HDGFL2: variants seen among roughly 807,000 people sequenced by gnomAD.
HDGFL2 encodes hepatoma-derived growth factor-related protein 2.
Under a neutral mutation model 77.1 loss-of-function variants are expected in HDGFL2, and 36 were observed. The ratio of observed to expected loss-of-function variants is 0.47; its 90% CI spans 0.36 to 0.62. The LOEUF (loss-of-function observed/expected upper bound fraction) is 0.62. Among genes scored for constraint, HDGFL2 ranks in the 20% least tolerant of loss-of-function variants. The pLI is 0.00. For synonymous variants in HDGFL2, 463 were observed against 413.1 expected (o/e 1.12, Z -1.46); for missense variants, 976 against 973.4 (o/e 1.00, Z -0.04).
At chr19:4,485,539 C>T (rs1975337673) in intron 3 of HDGFL2, among the ~76,000 whole-genome samples, 1 of 149,822 alleles carries the variant, frequency 6.7e-6, no homozygotes, top group Non-Finnish European at 1.5e-5. Flanking sequence ...GAGATTGAGA[C>T]CATCCTGGCT....
chr19:4,482,074 C>T (rs1217795002), intron 3 of HDGFL2, among the ~76,000 whole-genome samples: 18 of 119,524 alleles, frequency 1.5e-4, no homozygotes, highest in Admixed American at 3.4e-4. Flanking sequence ...GCTCTGTTGC[C>T]GAGGCTGGAG....
chr19:4,496,253 G>A (rs1975697865), intron 9 of HDGFL2, 49 bp from the exon 10 acceptor site: 2 of 1,485,374 alleles, frequency 1.3e-6, no homozygotes, highest in African/African-American at 1.4e-5. Flanking sequence ...AGGGGTCTGG[G>A]TAATCCCCTC....
intron 3 of HDGFL2, among the ~76,000 whole-genome samples, chr19:4,482,342 C>T (rs905140940): frequency 5.3e-5 from 8 of 151,856 alleles, no homozygotes; most frequent in Admixed American, 1.3e-4. Flanking sequence ...CCCAAGTAGC[C>T]GGGACTACAG....
chr19:4,481,188 ATTT>A (rs71168906), intron 3 of HDGFL2, among the ~76,000 whole-genome samples: 15 of 51,160 alleles, frequency 2.9e-4, no homozygotes, highest in African/African-American at 9.3e-4. Context: ...CGCCTGGCTA[ATTT>A]TTTTTTTTTT....
At chr19:4,499,440 G>A (rs917834605) in intron 13 of HDGFL2, 51 bp from the exon 14 acceptor site, 1 of 1,565,762 alleles carries the variant, frequency 6.4e-7, no homozygotes, top group Non-Finnish European at 8.7e-7. Context: ...TCAGAGCCGG[G>A]GCTAGGGCCG....
chr19:4,483,777 T>TTG (rs918647645), intron 3 of HDGFL2, among the ~76,000 whole-genome samples: 1 of 147,928 alleles, frequency 6.8e-6, no homozygotes, highest in Admixed American at 7.1e-5. Flanking sequence ...TGGGACTTAA[T>TTG]TGTTTCATGA....
intron 3 of HDGFL2, among the ~76,000 whole-genome samples, chr19:4,476,998 A>T (rs975909082): frequency 2.0e-5 from 3 of 152,112 alleles, no homozygotes; most frequent in Non-Finnish European, 4.4e-5. Flanking sequence ...ATTAAGGAAG[A>T]AAAGCACATC....
chr19:4,494,071 C>A lies in HDGFL2; in HGVS notation c.914+14C>A. On this transcript the variant is annotated intron_variant, in intron 8 of 15. Coordinates refer to ENST00000616600, the MANE Select transcript of HDGFL2 (RefSeq NM_001001520.3). ...CAGCAGTGACAGGTGGGTGCTGGGG[C>A]TGGGGTCCCCTCTGGCGGCTCCTCC... is the stretch of plus-strand genomic sequence containing the variant. 6.3e-7 allele frequency: 1 copy of A among 1,588,006 alleles called. No homozygotes were observed. The highest frequency in any genetic ancestry group is 8.6e-7 in the Non-Finnish European group (1 of 1,167,816).
Position 4,487,307 on chromosome 19 carries a change from A to G in HDGFL2, c.289-1369A>G, listed in dbSNP as rs1437016773. Among the ~76,000 whole-genome samples, 8 of 151,498 alleles carry G rather than the reference A, an allele frequency of 5.3e-5. No homozygotes were observed. In the East Asian group the frequency reaches 1.6e-3, roughly 30 times the overall value. ...GGTCTTGCTCTATCACTCAGTCTGG[A>G]GTGCAGTGGTGTGATCATAGCTCAC... is the stretch of plus-strand genomic sequence containing the variant. On this transcript the variant is annotated intron_variant, in intron 3 of 15. Coordinates refer to ENST00000616600, the MANE Select transcript of HDGFL2 (RefSeq NM_001001520.3).
intron 14 of HDGFL2, among the ~76,000 whole-genome samples, chr19:4,500,918 C>G (rs1160716885): frequency 6.6e-6 from 1 of 152,224 alleles, no homozygotes; most frequent in East Asian, 1.9e-4. Context: ...CTTTGTCTTT[C>G]CCAGGCTGCT....
At chr19:4,496,056 C>A (rs751998700) in intron 9 of HDGFL2, among the ~76,000 whole-genome samples, 1 of 152,152 alleles carries the variant, frequency 6.6e-6, no homozygotes, top group South Asian at 2.1e-4. Context: ...CAGCCCAGGA[C>A]TGCTGGGCAG....
intron 5 of HDGFL2, 34 bp downstream of exon 5, chr19:4,491,716 C>T (rs767802560): frequency 2.0e-5 from 32 of 1,611,756 alleles, no homozygotes; most frequent in Admixed American, 1.8e-4. Context: ...GGCAGGGAAG[C>T]GTGGTGGCTG....
intron 6 of HDGFL2, among the ~76,000 whole-genome samples, chr19:4,493,072 G>C: frequency 1.1e-5 from 1 of 87,298 alleles, no homozygotes; most frequent in African/African-American, 5.4e-5. Context: ...TTGTCTGTGT[G>C]TGGTGTGTGT....
Position 4,501,232 on chromosome 19 carries a change from G to T in HDGFL2, c.1831G>T (p.Gly611Trp), listed in dbSNP as rs376976555. Residue 611 changes from glycine to tryptophan, a missense_variant, in exon 15 of 16, where the codon GGG becomes TGG. Gly to Trp is a radical substitution (Grantham distance 184, BLOSUM62 -2). Transcript: ENST00000616600. ...GAATGGCGAGGCCACATCACAGAAGGGGGAGAGCGCAGAGGACAAGGAGCA... is the reference window on the plus strand; with the variant it reads ...GAATGGCGAGGCCACATCACAGAAGTGGGAGAGCGCAGAGGACAAGGAGCA... ...PVNGEATSQK[G>W]ESAEDKEHEE... 6.2e-6 allele frequency: 10 copies of T among 1,613,784 alleles called. No individual in the cohort carries two copies. The highest frequency in any genetic ancestry group is 1.3e-5 in the African/African-American group (1 of 75,062).
chr19:4,472,886 C>T (rs1974980513), intron 1 of HDGFL2, among the ~76,000 whole-genome samples: 1 of 149,172 alleles, frequency 6.7e-6, no homozygotes, highest in South Asian at 2.1e-4. Context: ...CCTGCAGGAG[C>T]CGCGCCCCGG....
chr19:4,493,241 G>A (rs1975593788), intron 6 of HDGFL2, among the ~76,000 whole-genome samples: 1 of 134,902 alleles, frequency 7.4e-6, no homozygotes. Flanking sequence ...TATCTGTGTG[G>A]TATGTGTGTT....
chr19:4,490,376 C>A (rs1389948316), intron 4 of HDGFL2, among the ~76,000 whole-genome samples: 1 of 152,208 alleles, frequency 6.6e-6, no homozygotes, highest in South Asian at 2.1e-4. Context: ...TGAGCCACCG[C>A]GCCTGGCTGC....
At position 4,472,309 on chromosome 19, in the gene HDGFL2, C is replaced by G. The variant is rs1307964253; in HGVS notation, c.-42C>G. Reference sequence around the variant, plus strand: ...CCGCCGCCGCCGCAGCCGCTACCGCCGCTGCAGCCGCTTTCCGCGGCCTGG... The same window carrying G: ...CCGCCGCCGCCGCAGCCGCTACCGCGGCTGCAGCCGCTTTCCGCGGCCTGG... On this transcript the variant is annotated 5_prime_UTR_variant, in exon 1 of 16. Coordinates refer to ENST00000616600, the MANE Select transcript of HDGFL2 (RefSeq NM_001001520.3). The G allele has an allele frequency of 1.4e-6, 2 of 1,419,694 alleles. No individual in the cohort carries two copies. The highest frequency in any genetic ancestry group is 1.9e-6 in the Non-Finnish European group (2 of 1,076,202). The allele number at this position is 1,419,694 out of a possible 1,614,324, so 87.9% of individuals were successfully genotyped here.
At chr19:4,486,252 C>T (rs1198196854) in intron 3 of HDGFL2, 2 of 151,994 alleles carry the variant, frequency 1.3e-5, no homozygotes, top group African/African-American at 2.4e-5. Flanking sequence ...ACTGCGTGGA[C>T]TTGTCTGTCT....
Sources: allele counts gnomAD v4.1 joint callset (sites outside exome capture counted in the v4.1 genomes callset), GRCh38; gene constraint gnomAD v4.1.1; transcripts MANE v1.5; gene names NCBI Gene and HGNC (gene_info 2026-07-23, HGNC 2026-07-21).